ADGB: variants seen among roughly 807,000 people sequenced by gnomAD.
ADGB encodes calpain-7-like protein.
Under a neutral mutation model 210.5 loss-of-function variants are expected in ADGB, and 172 were observed. The observed-to-expected ratio is 0.82, with a 90% CI of 0.72 to 0.93. The LOEUF is 0.93. Ranked by LOEUF, ADGB falls within the 40% of genes least tolerant of loss-of-function variation. The probability of loss-of-function intolerance (pLI) is 0.00; values close to 1 mark genes in which losing one functional copy is unlikely to be tolerated. For missense variants in ADGB, 2,025 were observed against 1,964.8 expected (o/e 1.03, Z -0.58); for synonymous variants, 658 against 662.7 (o/e 0.99, Z 0.11).
chr6:146,810,450 G>C (rs970851142), intron 35 of ADGB, among the ~76,000 whole-genome samples: 1 of 152,008 alleles, frequency 6.6e-6, no homozygotes, highest in Non-Finnish European at 1.5e-5. Flanking sequence ...CCCATTCCTG[G>C]GTATATATTA....
intron 13 of ADGB, among the ~76,000 whole-genome samples, chr6:146,708,140 A>G (rs1393913336): frequency 2.0e-5 from 3 of 152,060 alleles, no homozygotes; most frequent in Non-Finnish European, 4.4e-5. Flanking sequence ...GTAACAATTT[A>G]CAATCTCTTA....
In ADGB at chr6:146,661,421, T is replaced by G. The variant is rs368978509; in HGVS notation, c.613-2780T>G. Among the ~76,000 whole-genome samples the G allele has an allele frequency of 1.9e-3, 283 of 152,002 alleles. 3 individuals carry two copies. The highest frequency in any genetic ancestry group is 6.4e-3 in the African/African-American group (267 of 41,468). On this transcript the variant is annotated intron_variant, in intron 5 of 35. Transcript: ENST00000397944. ...TTTGTAGAGACAGGGTCTCACTATG[T>G]TGTGCAGGCTGGTCTTGAATTCCTG...
chr6:146,795,964 A>C (rs1778034414), intron 33 of ADGB, among the ~76,000 whole-genome samples: 1 of 152,164 alleles, frequency 6.6e-6, no homozygotes, highest in African/African-American at 2.4e-5. Flanking sequence ...GACTCATCCA[A>C]AAAGCTCCTA....
intron 29 of ADGB, among the ~76,000 whole-genome samples, chr6:146,779,169 A>T (rs1009008650): frequency 1.3e-5 from 2 of 151,662 alleles, no homozygotes; most frequent in African/African-American, 4.9e-5. Flanking sequence ...AAGACTTATC[A>T]TTATTTGACT....
Position 146,694,092 on chromosome 6 carries a change from C to A in ADGB, c.1577+1177C>A, listed in dbSNP as rs562675916. 1.6e-4 allele frequency among the ~76,000 whole-genome samples: 25 copies of A among 152,266 alleles called. No homozygotes were observed. The South Asian group carries it at 5.2e-3, about 32-fold the overall frequency. ...TCATGGCAATGTAGGCTTTCTTTAG[C>A]ATGTACCTCCAAACTCTTCCAGCCT... On this transcript the variant is annotated intron_variant, in intron 12 of 35. Transcript: ENST00000397944.
At chr6:146,600,401 T>C (rs1468521646) in intron 1 of ADGB, 1 of 227,438 alleles carries the variant, frequency 4.4e-6, no homozygotes, top group South Asian at 4.9e-5. Context: ...TCCACTAGCC[T>C]TCTCTCCACT....
chr6:146,706,848 T>G (rs1776578803), intron 13 of ADGB, among the ~76,000 whole-genome samples: 1 of 149,006 alleles, frequency 6.7e-6, no homozygotes, highest in Admixed American at 6.7e-5. Context: ...GCTTAGTGTT[T>G]TTTTTTTTTT....
intron 1 of ADGB, among the ~76,000 whole-genome samples, chr6:146,608,506 A>T (rs1022776171): frequency 6.6e-6 from 1 of 152,102 alleles, no homozygotes; most frequent in Non-Finnish European, 1.5e-5. Context: ...TGATGTGGGC[A>T]TTTAGCAATA....
At chr6:146,685,908 T>C (rs762165940) in intron 10 of ADGB, 80 bp downstream of exon 10, 54 of 769,026 alleles carry the variant, frequency 7.0e-5, no homozygotes, top group Non-Finnish European at 9.5e-5. Context: ...CTTGCTGTGG[T>C]AGAAGGCACA....
intron 35 of ADGB, among the ~76,000 whole-genome samples, chr6:146,804,067 C>T (rs920454267): frequency 2.0e-5 from 3 of 152,134 alleles, no homozygotes; most frequent in African/African-American, 7.2e-5. Context: ...AGATTATTGT[C>T]ATCCGTTCAC....
intron 3 of ADGB, among the ~76,000 whole-genome samples, chr6:146,647,335 C>T (rs142825669): frequency 0.013 from 1,972 of 151,530 alleles, 23 homozygotes; most frequent in African/African-American, 0.044. Flanking sequence ...ATTTTAAAGC[C>T]GGTTGCCCAA....
At chr6:146,695,399 T>C (rs1776388767) in intron 12 of ADGB, among the ~76,000 whole-genome samples, 1 of 151,838 alleles carries the variant, frequency 6.6e-6, no homozygotes, top group East Asian at 1.9e-4. Context: ...ATGGGCTTTG[T>C]ATCTACACTG....
chr6:146,711,884 AC>A lies in ADGB; in HGVS notation c.1708-3497del, dbSNP rs1776662011. On this transcript the variant is annotated intron_variant, in intron 13 of 35. Transcript: ENST00000397944. ...TCTCTACAAAAACAAACAAAAAAAAACAACAACAAAAACCCCAAAAACATTA... is the reference window on the plus strand; with the variant it reads ...TCTCTACAAAAACAAACAAAAAAAAAAACAACAAAAACCCCAAAAACATTA... 5.3e-5 allele frequency among the ~76,000 whole-genome samples: 8 copies of A among 151,924 alleles called. No individual in the cohort carries two copies. The South Asian group carries it at 1.2e-3, about 24-fold the overall frequency.
chr6:146,713,227 A>T (rs1776683753), intron 13 of ADGB, among the ~76,000 whole-genome samples: 1 of 152,190 alleles, frequency 6.6e-6, no homozygotes, highest in Non-Finnish European at 1.5e-5. Flanking sequence ...ATTTGGGTGT[A>T]CACCTATCTC....
rs148735137 is a variant in ADGB at position 146,664,038 on chromosome 6, T to C, written c.613-163T>C. ...TAAATAAAGCAATAAGCTAACATATTCAACCAGAGTAGTATTGAAATCCAG... is the reference window on the plus strand; with the variant it reads ...TAAATAAAGCAATAAGCTAACATATCCAACCAGAGTAGTATTGAAATCCAG... On this transcript the variant is annotated intron_variant, in intron 5 of 35. Coordinates refer to ENST00000397944, the MANE Select transcript of ADGB (RefSeq NM_024694.4). Among the ~76,000 whole-genome samples the C allele has an allele frequency of 1.2e-3, 176 of 152,222 alleles. 1 individual carries two copies. The highest frequency in any genetic ancestry group is 2.1e-3 in the Non-Finnish European group (146 of 67,988).
At chr6:146,791,067 A>T (rs189659681) in intron 33 of ADGB, among the ~76,000 whole-genome samples, 2 of 152,226 alleles carry the variant, frequency 1.3e-5, no homozygotes, top group Admixed American at 6.5e-5. Context: ...GAGTAGCTTA[A>T]GTTCCTTGTA....
chr6:146,665,645 G>A (rs906301837), intron 6 of ADGB, among the ~76,000 whole-genome samples: 1 of 152,022 alleles, frequency 6.6e-6, no homozygotes, highest in Non-Finnish European at 1.5e-5. Flanking sequence ...GAAATTTATA[G>A]CAACATAAGT....
At position 146,634,371 on chromosome 6, in the gene ADGB, T is replaced by G. The variant is rs534630295; in HGVS notation, c.75-1004T>G. Among the ~76,000 whole-genome samples the G allele has an allele frequency of 2.0e-5, 3 of 152,248 alleles. No homozygotes were observed. In the South Asian group the frequency reaches 6.2e-4, roughly 32 times the overall value. ...CTGTATACTGTATATTTTACTTAATTTATGATATTTAATTTGTATCCAGAA... is the reference window on the plus strand; with the variant it reads ...CTGTATACTGTATATTTTACTTAATGTATGATATTTAATTTGTATCCAGAA... On this transcript the variant is annotated intron_variant, in intron 1 of 35. Coordinates refer to ENST00000397944, the MANE Select transcript of ADGB (RefSeq NM_024694.4).
At chr6:146,807,999 T>TTG (rs1199658911) in intron 35 of ADGB, among the ~76,000 whole-genome samples, 14 of 145,636 alleles carry the variant, frequency 9.6e-5, no homozygotes, top group African/African-American at 3.6e-4. Context: ...TCAGTTTTTT[T>TTG]TTTTTTTTTT....
Sources: gnomAD v4.1 joint callset for allele counts (sites outside exome capture counted in the v4.1 genomes callset) on GRCh38, gnomAD v4.1.1 for gene constraint, MANE v1.5 for transcripts, NCBI Gene and HGNC (gene_info 2026-07-23, HGNC 2026-07-21) for gene names.